The following PAM variants were observed in gnomAD, a reference collection of about 807,000 sequenced individuals.
The protein encoded by PAM is peptidylglycine alpha-amidating monooxygenase, also known as peptidyl-glycine alpha-amidating monooxygenase.
In PAM, 72 loss-of-function variants were observed where a neutral mutation model predicts 122.1. That is an observed-to-expected ratio of 0.59 (90% CI 0.49 to 0.72). The LOEUF (loss-of-function observed/expected upper bound fraction) is 0.72. PAM is among the 30% of genes least tolerant of loss of function. The probability of loss-of-function intolerance (pLI) is 0.00; values close to 1 mark genes in which losing one functional copy is unlikely to be tolerated. For synonymous variants in PAM, 389 were observed against 404.4 expected, an observed-to-expected ratio of 0.96 and a Z score of 0.46; for missense variants, 1,106 against 1,183.7, an observed-to-expected ratio of 0.93 and a Z score of 0.96.
At chr5:102,817,643 T>G (rs950239098) in intron 1 of PAM, among the ~76,000 whole-genome samples, 1 of 152,104 alleles carries the variant, frequency 6.6e-6, no homozygotes, top group Non-Finnish European at 1.5e-5. Context: ...AATTCTTGCT[T>G]AGATTTGTGT....
chr5:103,009,634 C>T, intron 20 of PAM, 117 bp from the exon 21 acceptor site: 1 of 616,082 alleles, frequency 1.6e-6, no homozygotes, highest in Non-Finnish European at 3.0e-6. Context: ...ACTTTTGTTG[C>T]CAATTGTAGG....
chr5:102,929,865 G>A (rs1471096495), intron 7 of PAM, among the ~76,000 whole-genome samples: 2 of 139,744 alleles, frequency 1.4e-5, no homozygotes, highest in African/African-American at 2.7e-5. Context: ...TGTTTTTTGC[G>A]ATTCTTTTTT....
chr5:102,839,907 A>G (rs1778131185), intron 1 of PAM, among the ~76,000 whole-genome samples: 2 of 152,190 alleles, frequency 1.3e-5, no homozygotes, highest in Non-Finnish European at 2.9e-5. Flanking sequence ...ATCTGCCAAG[A>G]CCCACAACAA....
At chr5:102,891,632 A>C (rs1794819990) in intron 3 of PAM, among the ~76,000 whole-genome samples, 1 of 151,862 alleles carries the variant, frequency 6.6e-6, no homozygotes, top group East Asian at 1.9e-4. Flanking sequence ...GTTTCTTCAT[A>C]TTAACTTAGA....
At position 102,977,655 on chromosome 5, in the gene PAM, T is replaced by TGC. The variant is rs202078440; in HGVS notation, c.1483+3222_1483+3223dup. ...AGGCTTCCCAACACACACATGCATG[T>TGC]GCGCACACACACACACACACACACA... On this transcript the variant is annotated intron_variant, in intron 15 of 25. Transcript: ENST00000438793. 5.1e-3 allele frequency among the ~76,000 whole-genome samples: 609 copies of TGC among 118,816 alleles called. 5 individuals carry two copies. Among genetic ancestry groups the TGC allele is most frequent in the African/African-American group, 0.013 (376 of 28,908 alleles). The allele number at this position is 118,816 out of a possible 152,430, so 77.9% of individuals were successfully genotyped here.
Position 102,866,294 on chromosome 5 carries a change from C to T in PAM, c.89+10C>T. On this transcript the variant is annotated intron_variant, in intron 2 of 25. Coordinates refer to ENST00000438793, the MANE Select transcript of PAM (RefSeq NM_001177306.2). Reference sequence around the variant, plus strand: ...TTTCTGTCTTTAAGAGGTGGGTGTTCGTTGTTCGGGTGCTTTCTGTGCATG... The same window carrying T: ...TTTCTGTCTTTAAGAGGTGGGTGTTTGTTGTTCGGGTGCTTTCTGTGCATG... 6.3e-7 allele frequency: 1 copy of T among 1,575,174 alleles called. No individual in the cohort carries two copies. Among genetic ancestry groups the T allele is most frequent in the Non-Finnish European group, 8.7e-7 (1 of 1,144,768 alleles).
chr5:102,878,796 A>G (rs1245067143), intron 3 of PAM, among the ~76,000 whole-genome samples: 1 of 152,152 alleles, frequency 6.6e-6, no homozygotes, highest in Non-Finnish European at 1.5e-5. Context: ...ATCTTTATAC[A>G]CTATGTAATG....
Position 102,969,478 on chromosome 5 carries a change from T to G in PAM, c.1163-4638T>G, listed in dbSNP as rs1765173949. 2.0e-5 allele frequency among the ~76,000 whole-genome samples: 3 copies of G among 152,164 alleles called. No homozygotes were observed. In the South Asian group the frequency reaches 6.2e-4, roughly 32 times the overall value. On this transcript the variant is annotated intron_variant, in intron 14 of 25. Coordinates refer to ENST00000438793, the MANE Select transcript of PAM (RefSeq NM_001177306.2). The stretch of plus-strand genomic sequence containing the variant: ...CATCCAGAGCAGAGATGGGGGTCCT[T>G]TCTGAGGAAGGAGAAGAGTCTTTCA...
chr5:102,866,126 CCCAA>C lies in PAM; in HGVS notation c.-67_-64del. The stretch of plus-strand genomic sequence containing the variant: ...GTAGCGGCTGCTGGCGGCGCCGCTG[CCCAA>C]CCGCCAGCCCCAGCCCCGCGCTGCG... On this transcript the variant is annotated 5_prime_UTR_variant, in exon 2 of 26. Coordinates refer to ENST00000438793, the MANE Select transcript of PAM (RefSeq NM_001177306.2). 9.1e-7 allele frequency: 1 copy of C among 1,096,054 alleles called. No homozygotes were observed. The highest frequency in any genetic ancestry group is 1.9e-5 in the Admixed American group (1 of 51,978). 67.9% of individuals were successfully genotyped at this position (1,096,054 alleles called of 1,614,324 possible). A position where few individuals can be genotyped will look rare whatever the true frequency, so the allele number is the denominator to read the frequency against.
chr5:102,903,059 T>A (rs1350584312), intron 4 of PAM, among the ~76,000 whole-genome samples: 1 of 151,604 alleles, frequency 6.6e-6, no homozygotes. Flanking sequence ...CACATAAAGG[T>A]CTATATTAGA....
Position 102,862,185 on chromosome 5 carries a change from A to T in PAM, c.-373-3638A>T, listed in dbSNP as rs1784368977. On this transcript the variant is annotated intron_variant, in intron 1 of 25. Coordinates refer to ENST00000438793, the MANE Select transcript of PAM (RefSeq NM_001177306.2). ...ACCCTGTCTCAAAAAAAAAAAAAAA[A>T]AAAATTGCCTGTGGCTTTAAAAATA... 2.6e-5 allele frequency among the ~76,000 whole-genome samples: 4 copies of T among 151,966 alleles called. No homozygotes were observed. In the South Asian group the frequency reaches 8.3e-4, roughly 32 times the overall value.
At chr5:102,757,356 A>C (rs1750720947) in intron 1 of PAM, among the ~76,000 whole-genome samples, 1 of 152,184 alleles carries the variant, frequency 6.6e-6, no homozygotes, top group Non-Finnish European at 1.5e-5. Context: ...ATAAATAGAT[A>C]AAAAATCATT....
At chr5:102,895,345 T>C (rs902857910) in intron 3 of PAM, among the ~76,000 whole-genome samples, 2 of 151,808 alleles carry the variant, frequency 1.3e-5, no homozygotes, top group Non-Finnish European at 2.9e-5. Flanking sequence ...TTTGCTAAAC[T>C]AGTAGACTAA....
intron 4 of PAM, among the ~76,000 whole-genome samples, chr5:102,912,909 G>GTGTTGGTCA (rs1801854427): frequency 6.6e-6 from 1 of 152,020 alleles, no homozygotes; most frequent in Admixed American, 6.6e-5. Context: ...GGCACATAGT[G>GTGTTGGTCA]CTATGTTTTT....
At chr5:102,826,533 G>A (rs1358728819) in intron 1 of PAM, among the ~76,000 whole-genome samples, 2 of 152,112 alleles carry the variant, frequency 1.3e-5, no homozygotes, top group African/African-American at 4.8e-5. Context: ...ACATTCGAGG[G>A]CACTAAGAGC....
intron 4 of PAM, among the ~76,000 whole-genome samples, chr5:102,902,984 T>C (rs1798446213): frequency 6.6e-6 from 1 of 151,532 alleles, no homozygotes; most frequent in Non-Finnish European, 1.5e-5. Context: ...GTGTTTACGT[T>C]CACATAATTT....
intron 1 of PAM, among the ~76,000 whole-genome samples, chr5:102,848,248 G>C (rs912966271): frequency 6.6e-6 from 1 of 151,708 alleles, no homozygotes; most frequent in Admixed American, 6.6e-5. Flanking sequence ...GTTGATACCG[G>C]TTTTGCTTTC....
intron 15 of PAM, among the ~76,000 whole-genome samples, chr5:102,989,346 A>AT (rs1241370986): frequency 6.6e-6 from 1 of 151,760 alleles, no homozygotes; most frequent in Non-Finnish European, 1.5e-5. Context: ...TCTCGAATAA[A>AT]TTTTTTTTCA....
intron 21 of PAM, among the ~76,000 whole-genome samples, chr5:103,015,267 G>A (rs1289833276): frequency 6.6e-6 from 1 of 152,122 alleles, no homozygotes; most frequent in Non-Finnish European, 1.5e-5. Context: ...TTAATATTAA[G>A]TACATTTAAA....
Sources: allele counts gnomAD v4.1 joint callset (sites outside exome capture counted in the v4.1 genomes callset), GRCh38; gene constraint gnomAD v4.1.1; transcripts MANE v1.5; gene names NCBI Gene and HGNC (gene_info 2026-07-23, HGNC 2026-07-21).